The following MERTK variants were observed in gnomAD, a reference collection of about 807,000 sequenced individuals.
MERTK encodes the protein MER proto-oncogene, tyrosine kinase, also known as tyrosine-protein kinase Mer.
A neutral mutation model predicts 99.3 loss-of-function variants in MERTK; 69 were observed. The observed-to-expected ratio is 0.70, with a 90% confidence interval of 0.57 to 0.85. The LOEUF is 0.85. Ranked by LOEUF, MERTK falls within the 40% of genes least tolerant of loss-of-function variation. The pLI is 0.00. For synonymous variants in MERTK, 426 were observed against 467.6 expected (o/e 0.91, Z 1.15); for missense variants, 1,125 against 1,249.4 (o/e 0.90, Z 1.50).
chr2:112,021,178 T>TGA (rs1677338811), intron 16 of MERTK, among the ~76,000 whole-genome samples: 1 of 151,922 alleles, frequency 6.6e-6, no homozygotes, highest in South Asian at 2.1e-4. Context: ...CCAGCCTGGG[T>TGA]GACAGGGTGA....
intron 18 of MERTK, among the ~76,000 whole-genome samples, chr2:112,024,182 C>T (rs1479306314): frequency 6.6e-6 from 1 of 152,196 alleles, no homozygotes; most frequent in Non-Finnish European, 1.5e-5. Flanking sequence ...GTGCCTGCTT[C>T]TGAAAATAAG....
chr2:111,991,111 G>A (rs537906867), intron 8 of MERTK, among the ~76,000 whole-genome samples: 3 of 152,300 alleles, frequency 2.0e-5, no homozygotes, highest in African/African-American at 4.8e-5. Flanking sequence ...CTCCATGACC[G>A]TGGGGGTTTG....
rs1447758333 is a variant in MERTK, at chr2:111,947,517, G to A, written c.707G>A (p.Ser236Asn). ...PVNIFWVQNS[S>N]RVNEQPEKSP... The stretch of plus-strand genomic sequence containing the variant: ...AACATTTTCTGGGTTCAAAACAGTA[G>A]CCGTGTTAACGAACAGCCTGAAAAA... The change falls in exon 4 of 19, where the codon AGC becomes AAC. Residue 236 changes from serine (S) to asparagine (N), a missense_variant. Physicochemically the swap from Ser to Asn is conservative, Grantham distance 46 (BLOSUM62 1). Transcript: ENST00000295408. The A allele has an allele frequency of 1.9e-6, 3 of 1,614,172 alleles. No individual in the cohort carries two copies. The East Asian group carries it at 6.7e-5, about 36-fold the overall frequency.
chr2:111,926,300 A>G (rs912463314), intron 1 of MERTK, among the ~76,000 whole-genome samples: 14 of 152,140 alleles, frequency 9.2e-5, no homozygotes, highest in Non-Finnish European at 1.6e-4. Context: ...AAAGGGACCT[A>G]TATTTAAATG....
intron 3 of MERTK, 117 bp from the exon 4 acceptor site, chr2:111,947,277 C>A: frequency 3.4e-6 from 2 of 587,324 alleles, no homozygotes; most frequent in South Asian, 1.5e-5. Flanking sequence ...CATCCCCACC[C>A]GCCCCCCACA....
At chr2:111,933,239 C>T (rs897034309) in intron 2 of MERTK, among the ~76,000 whole-genome samples, 1 of 152,166 alleles carries the variant, frequency 6.6e-6, no homozygotes, top group Non-Finnish European at 1.5e-5. Context: ...AAACAGGGAG[C>T]CTGATTTGCA....
rs72823497 is a variant in MERTK at position 111,933,522 on chromosome 2, G to A, written c.482+3982G>A. The stretch of plus-strand genomic sequence containing the variant: ...AAAGGACTCTAGAGAGAAACACCTG[G>A]TATTTTCAGTTTGGTCATGGGACCT... On this transcript the variant is annotated intron_variant, in intron 2 of 18. Coordinates refer to ENST00000295408, the MANE Select transcript of MERTK (RefSeq NM_006343.3). 4.0e-3 allele frequency among the ~76,000 whole-genome samples: 603 copies of A among 152,208 alleles called. 1 individual carries two copies. Among genetic ancestry groups the A allele is most frequent in the Non-Finnish European group, 6.1e-3 (418 of 68,016 alleles).
chr2:111,937,035 G>C (rs536383043), intron 2 of MERTK, among the ~76,000 whole-genome samples: 1 of 152,224 alleles, frequency 6.6e-6, no homozygotes, highest in South Asian at 2.1e-4. Flanking sequence ...TGAGGGGAAA[G>C]TATTTGTTGT....
At position 111,937,374 on chromosome 2, in the gene MERTK, C is replaced by G. The variant is rs140068521; in HGVS notation, c.483-7586C>G. Among the ~76,000 whole-genome samples, 967 of 152,214 alleles carry G rather than the reference C, an allele frequency of 6.4e-3. 14 individuals are homozygous for G. Among genetic ancestry groups the G allele is most frequent in the African/African-American group, 0.022 (933 of 41,504 alleles). ...GGCTGAGGTGGGAGGATCGCTTGAG[C>G]CTCGGAGTTTGAAGCTGCAGTGAGC... is the stretch of plus-strand genomic sequence containing the variant. On this transcript the variant is annotated intron_variant, in intron 2 of 18. Coordinates refer to ENST00000295408, the MANE Select transcript of MERTK (RefSeq NM_006343.3).
chr2:112,017,274 C>T (rs562653542), intron 15 of MERTK, among the ~76,000 whole-genome samples: 7 of 152,190 alleles, frequency 4.6e-5, no homozygotes, highest in South Asian at 2.1e-4. Flanking sequence ...CCAATTGATG[C>T]GTTTTTACAG....
chr2:111,933,575 A>T (rs577089816), intron 2 of MERTK, among the ~76,000 whole-genome samples: 1 of 152,234 alleles, frequency 6.6e-6, no homozygotes, highest in East Asian at 1.9e-4. Context: ...TTAGGATCAC[A>T]CATAGAAATT....
rs1180385640 is a variant in MERTK at position 112,028,460 on chromosome 2, A to C, written c.2596A>C (p.Asn866His). ...KLLESLPDVR[N>H]QADVIYVNTQ... ...CTTAGAAAGTTTGCCTGACGTTCGG[A>C]ACCAAGCAGACGTTATTTACGTCAA... Residue 866 changes from asparagine (N) to histidine (H), a missense_variant, in exon 19 of 19, where the codon AAC becomes CAC. Asn to His is a moderately conservative substitution (Grantham distance 68). Transcript: ENST00000295408. The C allele has an allele frequency of 6.2e-7, 1 of 1,614,096 alleles. No homozygotes were observed. The highest frequency in any genetic ancestry group is 8.5e-7 in the Non-Finnish European group (1 of 1,180,056).
intron 4 of MERTK, among the ~76,000 whole-genome samples, chr2:111,964,888 T>A (rs1029905091): frequency 6.6e-6 from 1 of 152,148 alleles, no homozygotes; most frequent in Non-Finnish European, 1.5e-5. Context: ...TTCCTTGATA[T>A]TGGGGCTAGC....
chr2:111,994,174 C>A, intron 8 of MERTK, 77 bp from the exon 9 acceptor site: 2 of 1,558,240 alleles, frequency 1.3e-6, no homozygotes, highest in Non-Finnish European at 1.8e-6. Context: ...TGGCTTCCCT[C>A]AGAAGGAACT....
At chr2:111,948,803 CCA>C (rs777070714) in intron 4 of MERTK, among the ~76,000 whole-genome samples, 1 of 152,134 alleles carries the variant, frequency 6.6e-6, no homozygotes, top group Non-Finnish European at 1.5e-5. Context: ...GTCCCCACTC[CCA>C]ACTACCCTCC....
intron 8 of MERTK, among the ~76,000 whole-genome samples, chr2:111,986,242 T>G (rs2104744117): frequency 6.6e-6 from 1 of 152,302 alleles, no homozygotes; most frequent in South Asian, 2.1e-4. Flanking sequence ...AGCCTTTCCT[T>G]TTGTCTTTTG....
chr2:111,903,186 C>T (rs113008688), intron 1 of MERTK, among the ~76,000 whole-genome samples: 277 of 152,284 alleles, frequency 1.8e-3, no homozygotes, highest in African/African-American at 6.4e-3. Flanking sequence ...GGAGCTCATA[C>T]GGGTGCTCAG....
In MERTK at chr2:111,961,638, T is replaced by C. The variant is rs191676906; in HGVS notation, c.758-3553T>C. On this transcript the variant is annotated intron_variant, in intron 4 of 18. Coordinates refer to ENST00000295408, the MANE Select transcript of MERTK (RefSeq NM_006343.3). ...ACCACCGAATCATAGGACAGAGATG[T>C]ATGGGTTTGCTTTTCCCTGAGGGAC... Among the ~76,000 whole-genome samples the C allele has an allele frequency of 6.5e-3, 985 of 152,298 alleles. 13 individuals carry two copies. The highest frequency in any genetic ancestry group is 0.023 in the African/African-American group (949 of 41,560).
chr2:111,968,117 G>T lies in MERTK; in HGVS notation c.845-20G>T. On this transcript the variant is annotated intron_variant, in intron 5 of 18. Coordinates refer to ENST00000295408, the MANE Select transcript of MERTK (RefSeq NM_006343.3). ...TGTGTTTGTGTGTGTATGTGTGTGT[G>T]TGTGTTTTGTTTTATGCAGCAATTC... is the stretch of plus-strand genomic sequence containing the variant. The T allele has an allele frequency of 1.3e-6, 2 of 1,492,932 alleles. No individual in the cohort carries two copies. Among genetic ancestry groups the T allele is most frequent in the Non-Finnish European group, 9.3e-7 (1 of 1,069,784 alleles). The allele number at this position is 1,492,932 out of a possible 1,614,324, so 92.5% of individuals were successfully genotyped here.
Sources: gnomAD v4.1 joint callset for allele counts (sites outside exome capture counted in the v4.1 genomes callset) on GRCh38, gnomAD v4.1.1 for gene constraint, MANE v1.5 for transcripts, NCBI Gene and HGNC (gene_info 2026-07-23, HGNC 2026-07-21) for gene names.